Variants in SULT1E1 observed in about 807,000 individuals in gnomAD.
SULT1E1 encodes sulfotransferase 1E1.
Under a neutral mutation model 33.6 loss-of-function variants are expected in SULT1E1, and 36 were observed. The observed-to-expected ratio is 1.07, with a 90% confidence interval of 0.82 to 1.41. The LOEUF (loss-of-function observed/expected upper bound fraction) is 1.41. SULT1E1 is among the 40% of genes most tolerant of loss of function. The pLI, the probability that SULT1E1 is intolerant of heterozygous loss-of-function variation, is 0.00. For missense variants in SULT1E1, 371 were observed against 345.7 expected (o/e 1.07, Z -0.58); for synonymous variants, 121 against 111.7 (o/e 1.08, Z -0.53).
chr4:69,856,591 G>A (rs967943585), intron 2 of SULT1E1, among the ~76,000 whole-genome samples: 2 of 152,140 alleles, frequency 1.3e-5, no homozygotes, highest in Admixed American at 6.5e-5. Flanking sequence ...GTATTGTGCT[G>A]CCATTTATTC....
rs142428238 is a variant in SULT1E1, at chr4:69,846,817, A to G, written c.591+881T>C. Among the ~76,000 whole-genome samples, 558 of 151,810 alleles carry G rather than the reference A, an allele frequency of 3.7e-3. 1 individual carries two copies. The highest frequency in any genetic ancestry group is 0.012 in the African/African-American group (513 of 41,540). On this transcript the variant is annotated intron_variant, in intron 6 of 7. Coordinates refer to ENST00000226444, the MANE Select transcript of SULT1E1 (RefSeq NM_005420.3). Reference sequence around the variant, plus strand: ...GTTATCAGTGTAGTGGGTGTAAAACAGGTATCTCATAGTGATTTTTATTTT... The same window carrying G: ...GTTATCAGTGTAGTGGGTGTAAAACGGGTATCTCATAGTGATTTTTATTTT...
At chr4:69,831,696 A>T in the SULT1E1 span, among the ~76,000 whole-genome samples, 2 of 151,942 alleles carry the variant, frequency 1.3e-5, no homozygotes, top group African/African-American at 4.8e-5. Context: ...TTCTTTTCTG[A>T]CCGACCAGAC....
intron 4 of SULT1E1, among the ~76,000 whole-genome samples, chr4:69,850,368 AAG>A (rs1721076973): frequency 6.6e-6 from 1 of 152,064 alleles, no homozygotes; most frequent in African/African-American, 2.4e-5. Flanking sequence ...TCAGGCACCT[AAG>A]CAATGTCATG....
In SULT1E1 at chr4:69,844,158, C is replaced by T. The variant is rs1358285060; in HGVS notation, c.772+3G>A. ...GTATCGAGGCAAACCACATTTTTCTCACCCTTTCTCATGAAGGGCGACAAT... is the reference window on the plus strand; with the variant it reads ...GTATCGAGGCAAACCACATTTTTCTTACCCTTTCTCATGAAGGGCGACAAT... On this transcript the variant is annotated splice_donor_region_variant and intron_variant, in intron 7 of 7. Transcript: ENST00000226444. 6.2e-7 allele frequency: 1 copy of T among 1,613,862 alleles called. No individual in the cohort carries two copies. Among genetic ancestry groups the T allele is most frequent in the Non-Finnish European group, 8.5e-7 (1 of 1,179,840 alleles).
At chr4:69,836,881 A>G (rs970370341), downstream of SULT1E1, among the ~76,000 whole-genome samples, 2 of 152,164 alleles carry the variant, frequency 1.3e-5, no homozygotes, top group African/African-American at 4.8e-5. Flanking sequence ...TAACTGTTAT[A>G]AAACAATTAG....
intron 3 of SULT1E1, 82 bp from the exon 4 acceptor site, chr4:69,854,396 G>T (rs1181214136): frequency 1.2e-5 from 10 of 841,936 alleles, no homozygotes; most frequent in Non-Finnish European, 1.8e-5. Flanking sequence ...TTGTAAAATA[G>T]AAGTAATTCT....
chr4:69,851,110 C>T (rs1397075234), intron 4 of SULT1E1, among the ~76,000 whole-genome samples: 1 of 152,012 alleles, frequency 6.6e-6, no homozygotes, highest in East Asian at 1.9e-4. Context: ...CTTGCAAAGC[C>T]AAAATTGACA....
chr4:69,849,281 T>C, intron 5 of SULT1E1, 156 bp downstream of exon 5: 1 of 742,880 alleles, frequency 1.3e-6, no homozygotes, highest in Non-Finnish European at 2.1e-6. Flanking sequence ...GGACACAGTA[T>C]GCTTGCTCTA....
At chr4:69,844,139 A>T in intron 7 of SULT1E1, 22 bp downstream of exon 7, 1 of 1,613,216 alleles carries the variant, frequency 6.2e-7, no homozygotes, top group South Asian at 1.1e-5. Flanking sequence ...TCTAGTATCG[A>T]GGCAAACCAC....
downstream of SULT1E1, among the ~76,000 whole-genome samples, chr4:69,839,882 T>A (rs116609535): frequency 6.6e-6 from 1 of 152,180 alleles, no homozygotes; most frequent in African/African-American, 2.4e-5. Context: ...AAAGATATAG[T>A]TGGTCCAAAT....
chr4:69,833,124 A>G, the SULT1E1 span, among the ~76,000 whole-genome samples: 1 of 152,010 alleles, frequency 6.6e-6, no homozygotes, highest in Non-Finnish European at 1.5e-5. Flanking sequence ...CCTAAGTACA[A>G]ATTATGGTTC....
At chr4:69,859,667 C>T (rs1721322831) in intron 1 of SULT1E1, among the ~76,000 whole-genome samples, 1 of 152,058 alleles carries the variant, frequency 6.6e-6, no homozygotes, top group South Asian at 2.1e-4. Context: ...AGTAATGCCC[C>T]TATTTGCAAG....
chr4:69,840,871 C>A (rs1720870224), downstream of SULT1E1, among the ~76,000 whole-genome samples: 1 of 152,012 alleles, frequency 6.6e-6, no homozygotes, highest in African/African-American at 2.4e-5. Flanking sequence ...ACTGTGAAAC[C>A]CCGTCTCTAC....
the SULT1E1 span, among the ~76,000 whole-genome samples, chr4:69,829,627 C>G: frequency 6.6e-6 from 1 of 152,116 alleles, no homozygotes; most frequent in Non-Finnish European, 1.5e-5. Context: ...GTAATCTGTG[C>G]CTGCAGGTTT....
the SULT1E1 span, among the ~76,000 whole-genome samples, chr4:69,833,100 C>T: frequency 1.2e-3 from 182 of 152,154 alleles, no homozygotes; most frequent in Non-Finnish European, 2.0e-3. Flanking sequence ...TAATATCCTG[C>T]CTCACTATAT....
Position 69,849,423 on chromosome 4 carries a change from G to C in SULT1E1, c.496+14C>G. On this transcript the variant is annotated intron_variant, in intron 5 of 7. Coordinates refer to ENST00000226444, the MANE Select transcript of SULT1E1 (RefSeq NM_005420.3). ...ACCTTGAAAAAAAATTCAGTGTAAA[G>C]AAGCTGTTCCTACCCTGTCCTTGCA... 6.2e-7 allele frequency: 1 copy of C among 1,607,080 alleles called. No individual in the cohort carries two copies. Among genetic ancestry groups the C allele is most frequent in the Non-Finnish European group, 8.5e-7 (1 of 1,176,018 alleles).
At chr4:69,852,987 T>A (rs1721158442) in intron 4 of SULT1E1, among the ~76,000 whole-genome samples, 1 of 152,142 alleles carries the variant, frequency 6.6e-6, no homozygotes, top group African/African-American at 2.4e-5. Context: ...CCCTTATGCA[T>A]GGAATGACTT....
the SULT1E1 span, among the ~76,000 whole-genome samples, chr4:69,822,163 T>C: frequency 6.6e-6 from 1 of 152,208 alleles, no homozygotes; most frequent in East Asian, 1.9e-4. Context: ...ATTAATTCCC[T>C]CAACAATTCT....
chr4:69,823,910 C>T, the SULT1E1 span, among the ~76,000 whole-genome samples: 859 of 152,200 alleles, frequency 5.6e-3, 8 homozygotes, highest in African/African-American at 0.02. Context: ...ATTCAATGTC[C>T]GGGTCCCTGA....
Sources: allele counts gnomAD v4.1 joint callset (sites outside exome capture counted in the v4.1 genomes callset), GRCh38; gene constraint gnomAD v4.1.1; transcripts MANE v1.5; gene names NCBI Gene and HGNC (gene_info 2026-07-23, HGNC 2026-07-21).